The following ARHGAP6 variants were observed in gnomAD, a reference collection of about 807,000 sequenced individuals.
ARHGAP6 encodes the protein rho GTPase-activating protein 6.
Under a neutral mutation model 55.7 loss-of-function variants are expected in ARHGAP6, and 16 were observed. That is an observed-to-expected ratio of 0.29 (90% CI 0.19 to 0.44). The LOEUF is 0.44. Ranked by LOEUF, ARHGAP6 falls within the 20% of genes least tolerant of loss-of-function variation. The pLI is 1.00. For missense variants in ARHGAP6, 698 were observed against 808.9 expected, an observed-to-expected ratio of 0.86 and a Z score of 1.66; for synonymous variants, 382 against 360.9, an observed-to-expected ratio of 1.06 and a Z score of -0.66.
At chrX:11,304,090 G>A (rs1160004216) in intron 1 of ARHGAP6, among the ~76,000 whole-genome samples, 1 of 109,883 alleles carries the variant, frequency 9.1e-6, no homozygotes. Context: ...AGTACATCAC[G>A]TTTGTCTTTT....
intron 2 of ARHGAP6, among the ~76,000 whole-genome samples, chrX:11,243,744 C>A (rs990322475): frequency 8.9e-6 from 1 of 112,196 alleles, no homozygotes; most frequent in African/African-American, 3.2e-5. Flanking sequence ...GTGCTTCATA[C>A]AGCTATACTA....
rs1555967764 is a variant in ARHGAP6 at position 11,190,473 on chromosome X, A to ATATATACACACATATATATG, written c.821-1490_821-1489insCATATATATGTGTGTATATA. On this transcript the variant is annotated intron_variant, in intron 3 of 12. Coordinates refer to ENST00000337414, the MANE Select transcript of ARHGAP6 (RefSeq NM_013427.3). ...GTACCCTGAGGAGATATATATATAT[A>ATATATACACACATATATATG]TATATATACATATATCTATATAGAT... is the stretch of plus-strand genomic sequence containing the variant. Among the ~76,000 whole-genome samples, 387 of 100,363 alleles carry ATATATACACACATATATATG rather than the reference A, an allele frequency of 3.9e-3. 4 individuals carry two copies. The highest frequency in any genetic ancestry group is 0.014 in the African/African-American group (376 of 26,911). The allele number at this position is 100,363 out of a possible 115,157, so 87.2% of individuals were successfully genotyped here. A position where few individuals can be genotyped will look rare whatever the true frequency, so the allele number is the denominator to read the frequency against.
intron 1 of ARHGAP6, among the ~76,000 whole-genome samples, chrX:11,567,708 CTGGAGTCTGGAG>C (rs2051461987): frequency 9.2e-6 from 1 of 109,274 alleles, no homozygotes; most frequent in Non-Finnish European, 1.9e-5. Context: ...GTCGCCCAGG[CTGGAGTCTGGAG>C]TGCAGTGCTG....
chrX:11,579,706 C>G (rs2051642999), intron 1 of ARHGAP6, among the ~76,000 whole-genome samples: 3 of 112,192 alleles, frequency 2.7e-5, no homozygotes, highest in South Asian at 7.4e-4. Flanking sequence ...AAAAAGTTAT[C>G]TCTAAATGAA....
At chrX:11,261,711 G>GGGCA (rs2047564237) in intron 1 of ARHGAP6, among the ~76,000 whole-genome samples, 1 of 111,781 alleles carries the variant, frequency 8.9e-6, no homozygotes, top group Non-Finnish European at 1.9e-5. Flanking sequence ...CATTAATAAA[G>GGGCA]GGCAGCAATA....
intron 1 of ARHGAP6, among the ~76,000 whole-genome samples, chrX:11,285,469 G>A (rs1054115135): frequency 8.9e-6 from 1 of 111,810 alleles, no homozygotes; most frequent in African/African-American, 3.3e-5. Context: ...TATACATTTT[G>A]TACTTACAGA....
intron 1 of ARHGAP6, among the ~76,000 whole-genome samples, chrX:11,552,555 CATATATATATAT>C (rs59008705): frequency 5.3e-3 from 66 of 12,536 alleles, no homozygotes; most frequent in Admixed American, 0.011. Context: ...GAAAATGTGC[CATATATATATAT>C]ATATATATAT....
intron 1 of ARHGAP6, among the ~76,000 whole-genome samples, chrX:11,476,399 A>T (rs1305015380): frequency 2.7e-5 from 3 of 112,043 alleles, no homozygotes; most frequent in African/African-American, 9.7e-5. Context: ...AAGAAAAAAG[A>T]CAAATAAATC....
intron 1 of ARHGAP6, among the ~76,000 whole-genome samples, chrX:11,560,236 T>C: frequency 8.9e-6 from 1 of 111,840 alleles, no homozygotes; most frequent in Middle Eastern, 4.6e-3. Flanking sequence ...CCAAGTTGTC[T>C]GTTGTAACAT....
intron 1 of ARHGAP6, among the ~76,000 whole-genome samples, chrX:11,557,448 C>CT (rs1216687960): frequency 7.0e-4 from 73 of 104,165 alleles, no homozygotes; most frequent in South Asian, 4.4e-3. Context: ...CCATTTGTTT[C>CT]TTTTTTTTTG....
At chrX:11,418,939 C>G (rs769848571) in intron 1 of ARHGAP6, among the ~76,000 whole-genome samples, 11 of 112,164 alleles carry the variant, frequency 9.8e-5, no homozygotes, top group East Asian at 2.8e-4. Context: ...ACCGACCCCC[C>G]CTCCCGCCAG....
chrX:11,457,221 C>A (rs1277013982), intron 1 of ARHGAP6, among the ~76,000 whole-genome samples: 2 of 111,648 alleles, frequency 1.8e-5, no homozygotes. Context: ...AGATCAAGGA[C>A]AATATATTAT....
chrX:11,518,344 A>G (rs1162027992), intron 1 of ARHGAP6, among the ~76,000 whole-genome samples: 2 of 108,797 alleles, frequency 1.8e-5, no homozygotes, highest in Admixed American at 9.9e-5. Context: ...GGGGTCTTCT[A>G]TGTTGCCCAG....
chrX:11,420,384 T>C (rs2049806597), intron 1 of ARHGAP6, among the ~76,000 whole-genome samples: 1 of 111,901 alleles, frequency 8.9e-6, no homozygotes, highest in Non-Finnish European at 1.9e-5. Flanking sequence ...ATTAATTAAT[T>C]GTGTTTGTAA....
intron 1 of ARHGAP6, among the ~76,000 whole-genome samples, chrX:11,267,180 T>C (rs2147508978): frequency 8.9e-6 from 1 of 112,180 alleles, no homozygotes; most frequent in East Asian, 2.8e-4. Flanking sequence ...ATATATCTAA[T>C]ATCTTAATAT....
intron 7 of ARHGAP6, among the ~76,000 whole-genome samples, 197 bp downstream of exon 7, chrX:11,179,105 A>G (rs1460463942): frequency 8.9e-6 from 1 of 112,323 alleles, no homozygotes; most frequent in Admixed American, 9.5e-5. Context: ...GGCTATTTCC[A>G]TTTGTTTTAT....
chrX:11,653,682 C>T (rs1162683904), intron 1 of ARHGAP6, among the ~76,000 whole-genome samples: 1 of 111,956 alleles, frequency 8.9e-6, no homozygotes, highest in Non-Finnish European at 1.9e-5. Flanking sequence ...TAGGCACTTT[C>T]ATCATTCTCA....
At chrX:11,326,272 G>A (rs1314621509) in intron 1 of ARHGAP6, among the ~76,000 whole-genome samples, 1 of 109,814 alleles carries the variant, frequency 9.1e-6, no homozygotes, top group Non-Finnish European at 1.9e-5. Context: ...GGGATTACAG[G>A]CATGCACCAC....
At chrX:11,663,361 A>G (rs761949599) in intron 1 of ARHGAP6, among the ~76,000 whole-genome samples, 3 of 112,193 alleles carry the variant, frequency 2.7e-5, no homozygotes, top group Non-Finnish European at 5.6e-5. Context: ...CCCTTATGGA[A>G]ACAGATCCAA....
Sources: allele counts gnomAD v4.1 joint callset (sites outside exome capture counted in the v4.1 genomes callset), GRCh38; gene constraint gnomAD v4.1.1; transcripts MANE v1.5; gene names NCBI Gene and HGNC (gene_info 2026-07-23, HGNC 2026-07-21).